The following TMCO4 variants were observed in gnomAD, a reference collection of about 807,000 sequenced individuals.
TMCO4 encodes the protein transmembrane and coiled-coil domains 4.
In TMCO4, 58 loss-of-function variants were observed where a neutral mutation model predicts 64.7. That is an observed-to-expected ratio of 0.90 (90% CI 0.73 to 1.12). The LOEUF (loss-of-function observed/expected upper bound fraction) is 1.12, where lower values mean the gene tolerates loss of function less well. Ranked by LOEUF, TMCO4 falls within the 50% of genes most tolerant of loss-of-function variation. The pLI is 0.00. For synonymous variants in TMCO4, 325 were observed against 346.1 expected, an observed-to-expected ratio of 0.94 and a Z score of 0.68; for missense variants, 780 against 825.9, an observed-to-expected ratio of 0.94 and a Z score of 0.68.
intron 5 of TMCO4, 86 bp downstream of exon 5, chr1:19,771,222 C>G: frequency 6.8e-7 from 1 of 1,462,594 alleles, no homozygotes. Context: ...TGCTCCACCC[C>G]ACTAGAAGTG....
chr1:19,745,436 A>C, intron 10 of TMCO4, 96 bp downstream of exon 10: 1 of 1,571,590 alleles, frequency 6.4e-7, no homozygotes, highest in African/African-American at 1.4e-5. Context: ...GGGGCTCCCT[A>C]TACCTGCTCC....
chr1:19,763,047 G>A (rs1350911932), intron 6 of TMCO4, among the ~76,000 whole-genome samples: 1 of 151,980 alleles, frequency 6.6e-6, no homozygotes, highest in Non-Finnish European at 1.5e-5. Flanking sequence ...TTCTTCATCT[G>A]CAAAAGGGGA....
intron 13 of TMCO4, among the ~76,000 whole-genome samples, chr1:19,710,612 A>G (rs1246466387): frequency 6.6e-6 from 1 of 152,216 alleles, no homozygotes; most frequent in African/African-American, 2.4e-5. Context: ...CCAAGATCAC[A>G]CAGTAAGTAA....
intron 7 of TMCO4, among the ~76,000 whole-genome samples, chr1:19,748,238 TG>T (rs1335099227): frequency 6.6e-6 from 1 of 152,246 alleles, no homozygotes; most frequent in Non-Finnish European, 1.5e-5. Flanking sequence ...TCAGCGCAAC[TG>T]GGGCTGATGT....
At chr1:19,747,481 A>T (rs1400842713) in intron 7 of TMCO4, among the ~76,000 whole-genome samples, 1 of 152,208 alleles carries the variant, frequency 6.6e-6, no homozygotes, top group Non-Finnish European at 1.5e-5. Flanking sequence ...TACTTACCCA[A>T]TGGATCCATC....
chr1:19,746,446 T>C lies in TMCO4; in HGVS notation c.757+10A>G. 6.2e-7 allele frequency: 1 copy of C among 1,613,166 alleles called. No individual in the cohort carries two copies. Among genetic ancestry groups the C allele is most frequent in the African/African-American group, 1.3e-5 (1 of 75,050 alleles). On this transcript the variant is annotated intron_variant, in intron 9 of 15. Coordinates refer to ENST00000294543, the MANE Select transcript of TMCO4 (RefSeq NM_181719.7). Reference sequence around the variant, plus strand: ...ATTCCTCTGAACCCATCATTCCTTTTGAACCTTACCTGTCAGGCCAGCTCC... The same window carrying C: ...ATTCCTCTGAACCCATCATTCCTTTCGAACCTTACCTGTCAGGCCAGCTCC...
At chr1:19,689,554 C>T (rs1459029400) in intron 15 of TMCO4, among the ~76,000 whole-genome samples, 1 of 152,112 alleles carries the variant, frequency 6.6e-6, no homozygotes, top group Non-Finnish European at 1.5e-5. Flanking sequence ...AAGTAACTGG[C>T]CCAAGGTCAC....
At position 19,729,194 on chromosome 1, in the gene TMCO4, G is replaced by C. The variant is rs572262975; in HGVS notation, c.1264+8178C>G. ...AGACAGAATCTTGCTGTGTCGCCTA[G>C]GCTAGAGTACAGTGGCCCAATCTCG... On this transcript the variant is annotated intron_variant, in intron 13 of 15. Transcript: ENST00000294543. Among the ~76,000 whole-genome samples, 26 of 152,092 alleles carry C rather than the reference G, an allele frequency of 1.7e-4. No individual in the cohort carries two copies. In the South Asian group the frequency reaches 5.0e-3, roughly 29 times the overall value.
intron 13 of TMCO4, among the ~76,000 whole-genome samples, chr1:19,723,915 T>C (rs1003585710): frequency 3.9e-5 from 6 of 152,142 alleles, no homozygotes; most frequent in African/African-American, 1.4e-4. Context: ...AGCCCCCAAA[T>C]TCCTGCCTTC....
At chr1:19,690,187 C>T (rs562112514) in intron 15 of TMCO4, among the ~76,000 whole-genome samples, 204 of 152,322 alleles carry the variant, frequency 1.3e-3, no homozygotes, top group Non-Finnish European at 2.4e-3. Context: ...CAATTATCAG[C>T]GTGTCCTCAT....
rs1420254867 is a variant in TMCO4, at chr1:19,700,844, G to C, written c.1306C>G (p.Pro436Ala). The change falls in exon 14 of 16, where the codon CCT becomes GCT. Residue 436 changes from proline to alanine, a missense_variant. Transcript: ENST00000294543. ...CAATGCTTGGCTTCTCCCTCCACAG[G>C]CGCACCCAGCAGGATGACGTCCTCG... The part of the protein sequence containing the change: ...IIEDVILLGA[P>A]VEGEAKHWEP... 1.2e-6 allele frequency: 2 copies of C among 1,614,100 alleles called. No individual in the cohort carries two copies. Among genetic ancestry groups the C allele is most frequent in the Non-Finnish European group, 1.7e-6 (2 of 1,180,044 alleles).
chr1:19,788,859 A>G (rs2043874551), intron 2 of TMCO4, among the ~76,000 whole-genome samples: 1 of 151,586 alleles, frequency 6.6e-6, no homozygotes, highest in Admixed American at 6.6e-5. Context: ...GTGGATCAGG[A>G]GGTCAGGAGA....
chr1:19,691,622 C>T (rs2095195606), intron 15 of TMCO4, among the ~76,000 whole-genome samples: 1 of 152,180 alleles, frequency 6.6e-6, no homozygotes. Flanking sequence ...TCAGAACAGG[C>T]AGCTGCTGAT....
At chr1:19,688,101 C>T (rs1356645463) in intron 15 of TMCO4, among the ~76,000 whole-genome samples, 1 of 152,196 alleles carries the variant, frequency 6.6e-6, no homozygotes, top group Non-Finnish European at 1.5e-5. Flanking sequence ...CTGCCAGCTG[C>T]CTGGATACAC....
chr1:19,794,266 C>A (rs2044197227), intron 2 of TMCO4, among the ~76,000 whole-genome samples: 1 of 152,206 alleles, frequency 6.6e-6, no homozygotes, highest in Non-Finnish European at 1.5e-5. Context: ...CACTGCCCAT[C>A]CTAGCCCCTT....
At chr1:19,786,371 C>T (rs1571040084) in intron 3 of TMCO4, among the ~76,000 whole-genome samples, 1 of 152,182 alleles carries the variant, frequency 6.6e-6, no homozygotes, top group Admixed American at 6.5e-5. Flanking sequence ...GGACCCTGAA[C>T]CCAGCACTGG....
At chr1:19,773,472 GCCAGTTA>G (rs2043075018) in intron 4 of TMCO4, among the ~76,000 whole-genome samples, 1 of 152,188 alleles carries the variant, frequency 6.6e-6, no homozygotes, top group African/African-American at 2.4e-5. Flanking sequence ...CTGTGCATCA[GCCAGTTA>G]CCGGATGCAG....
chr1:19,790,993 A>T (rs1050247747), intron 2 of TMCO4, among the ~76,000 whole-genome samples: 2 of 152,218 alleles, frequency 1.3e-5, no homozygotes, highest in Admixed American at 1.3e-4. Context: ...AAGGAATGAG[A>T]TCATATCCTT....
chr1:19,795,202 G>A (rs975721646), intron 2 of TMCO4, among the ~76,000 whole-genome samples: 1 of 152,170 alleles, frequency 6.6e-6, no homozygotes, highest in Non-Finnish European at 1.5e-5. Flanking sequence ...CGGACACAGT[G>A]GCTCACGCCT....
Sources: allele counts gnomAD v4.1 joint callset (sites outside exome capture counted in the v4.1 genomes callset), GRCh38; gene constraint gnomAD v4.1.1; transcripts MANE v1.5; gene names NCBI Gene and HGNC (gene_info 2026-07-23, HGNC 2026-07-21).